Variants in FER observed in about 807,000 individuals in gnomAD.
FER encodes tyrosine-protein kinase Fer.
In FER, 63 loss-of-function variants were observed where a neutral mutation model predicts 111.0. The observed-to-expected ratio is 0.57, with a 90% CI of 0.46 to 0.70. The LOEUF (loss-of-function observed/expected upper bound fraction) is 0.70, where lower values mean the gene tolerates loss of function less well. FER is among the 30% of genes least tolerant of loss of function. The probability of loss-of-function intolerance (pLI) is 0.00; values close to 1 mark genes in which losing one functional copy is unlikely to be tolerated. For synonymous variants in FER, 327 were observed against 313.9 expected, an observed-to-expected ratio of 1.04 and a Z score of -0.44; for missense variants, 914 against 954.0, an observed-to-expected ratio of 0.96 and a Z score of 0.55.
intron 10 of FER, among the ~76,000 whole-genome samples, chr5:108,917,003 G>A (rs977903860): frequency 6.6e-6 from 1 of 151,946 alleles, no homozygotes; most frequent in Non-Finnish European, 1.5e-5. Flanking sequence ...ACAGTATTCT[G>A]TATCATCTTT....
intron 17 of FER, among the ~76,000 whole-genome samples, chr5:109,175,974 A>G (rs895107624): frequency 1.3e-5 from 2 of 152,012 alleles, no homozygotes; most frequent in African/African-American, 4.8e-5. Flanking sequence ...GCAAGATTCC[A>G]TCTCCAAAAA....
chr5:108,973,226 A>G (rs1760905304), intron 13 of FER, among the ~76,000 whole-genome samples: 1 of 152,158 alleles, frequency 6.6e-6, no homozygotes, highest in Admixed American at 6.5e-5. Flanking sequence ...AACACCATTT[A>G]TCTTTATCAT....
intron 17 of FER, among the ~76,000 whole-genome samples, chr5:109,158,562 T>C (rs182120069): frequency 6.6e-6 from 1 of 152,286 alleles, no homozygotes; most frequent in East Asian, 1.9e-4. Context: ...AATCTACCAT[T>C]TACTTTTGCT....
intron 2 of FER, among the ~76,000 whole-genome samples, chr5:108,792,503 A>G (rs1339713942): frequency 6.6e-6 from 1 of 151,658 alleles, no homozygotes; most frequent in Non-Finnish European, 1.5e-5. Flanking sequence ...ACGCACGGCT[A>G]ATTTTGTATT....
chr5:109,147,118 C>T (rs573286138), intron 17 of FER, among the ~76,000 whole-genome samples: 1 of 151,480 alleles, frequency 6.6e-6, no homozygotes, highest in African/African-American at 2.4e-5. Flanking sequence ...AGTGATTACT[C>T]AGACTTCTCA....
At chr5:108,782,653 T>C (rs1197059409) in intron 2 of FER, 1 of 152,166 alleles carries the variant, frequency 6.6e-6, no homozygotes, top group Non-Finnish European at 1.5e-5. Flanking sequence ...TCTTTTTATT[T>C]TTTTGGTAGA....
At chr5:108,947,928 C>T (rs988045365) in intron 11 of FER, among the ~76,000 whole-genome samples, 4 of 151,584 alleles carry the variant, frequency 2.6e-5, no homozygotes, top group African/African-American at 9.7e-5. Context: ...CAATCTATTA[C>T]CCAGGCTGGT....
chr5:108,997,380 G>A (rs1483329643), intron 13 of FER, among the ~76,000 whole-genome samples: 1 of 146,794 alleles, frequency 6.8e-6, no homozygotes, highest in Non-Finnish European at 1.5e-5. Flanking sequence ...GCATGCCACT[G>A]CACTCCAGCC....
chr5:108,814,506 C>A (rs185770932), intron 3 of FER, among the ~76,000 whole-genome samples: 1 of 152,152 alleles, frequency 6.6e-6, no homozygotes, highest in Non-Finnish European at 1.5e-5. Context: ...TGCTCTGTTA[C>A]AAGGGTTTGT....
intron 3 of FER, among the ~76,000 whole-genome samples, chr5:108,819,321 C>A (rs1758601621): frequency 6.6e-6 from 1 of 152,020 alleles, no homozygotes; most frequent in African/African-American, 2.4e-5. Flanking sequence ...TCCCACTGCA[C>A]CTGGCTAGGT....
chr5:108,886,248 G>T (rs1219712746), intron 9 of FER, among the ~76,000 whole-genome samples: 2 of 151,544 alleles, frequency 1.3e-5, no homozygotes, highest in Non-Finnish European at 3.0e-5. Context: ...TACATAATGG[G>T]TGTATAATCC....
chr5:109,002,982 T>A (rs1158576434), intron 13 of FER, among the ~76,000 whole-genome samples: 1 of 152,146 alleles, frequency 6.6e-6, no homozygotes, highest in Non-Finnish European at 1.5e-5. Context: ...CTGGAGAGGA[T>A]GTGGAGAAAT....
intron 17 of FER, among the ~76,000 whole-genome samples, chr5:109,101,907 T>A (rs562028813): frequency 6.6e-6 from 1 of 152,306 alleles, no homozygotes; most frequent in East Asian, 1.9e-4. Context: ...TTGTCTCTGA[T>A]TTATTTCATA....
At chr5:108,955,866 T>C (rs146161069) in intron 12 of FER, among the ~76,000 whole-genome samples, 1,809 of 151,760 alleles carry the variant, frequency 0.012, 18 homozygotes, top group Non-Finnish European at 0.02. Flanking sequence ...TTAATAAGTT[T>C]ATATATATAT....
intron 13 of FER, among the ~76,000 whole-genome samples, chr5:108,971,272 C>CAAAAAAAA (rs201694196): frequency 6.5e-4 from 50 of 76,338 alleles, no homozygotes; most frequent in African/African-American, 1.9e-3. Flanking sequence ...GAACCTGTCT[C>CAAAAAAAA]AAAAAAAAAA....
chr5:109,071,417 A>G (rs965710693), intron 16 of FER, among the ~76,000 whole-genome samples: 4 of 152,202 alleles, frequency 2.6e-5, no homozygotes, highest in African/African-American at 9.6e-5. Flanking sequence ...AGCAGGGGGT[A>G]CATCATATCC....
chr5:109,007,043 G>A (rs982947389), intron 13 of FER, among the ~76,000 whole-genome samples: 2 of 151,978 alleles, frequency 1.3e-5, no homozygotes, highest in Non-Finnish European at 2.9e-5. Flanking sequence ...TTTATTAGTT[G>A]GGTTATTCAG....
At chr5:109,140,969 G>C (rs1391530411) in intron 17 of FER, among the ~76,000 whole-genome samples, 1 of 152,136 alleles carries the variant, frequency 6.6e-6, no homozygotes, top group East Asian at 1.9e-4. Flanking sequence ...TTCCACAGTA[G>C]CTCCTATTCT....
chr5:108,792,942 G>A (rs1010025792), intron 2 of FER, among the ~76,000 whole-genome samples: 4 of 152,034 alleles, frequency 2.6e-5, no homozygotes, highest in Non-Finnish European at 5.9e-5. Context: ...TTTTGATACA[G>A]ACATGCAGTG....
Sources: gnomAD v4.1 joint callset for allele counts (sites outside exome capture counted in the v4.1 genomes callset) on GRCh38, gnomAD v4.1.1 for gene constraint, MANE v1.5 for transcripts, NCBI Gene and HGNC (gene_info 2026-07-23, HGNC 2026-07-21) for gene names.